The following IFNGR1 variants were observed in gnomAD, a reference collection of about 807,000 sequenced individuals.
The protein encoded by IFNGR1 is AVP, type 2.
A neutral mutation model predicts 35.4 loss-of-function variants in IFNGR1; 23 were observed. The observed-to-expected ratio is 0.65, with a 90% CI of 0.47 to 0.92. IFNGR1 has a LOEUF of 0.92. IFNGR1 is among the 40% of genes least tolerant of loss of function. The probability of loss-of-function intolerance (pLI) is 0.00; values close to 1 mark genes in which losing one functional copy is unlikely to be tolerated. For synonymous variants in IFNGR1, 199 were observed against 209.5 expected (o/e 0.95, Z 0.43); for missense variants, 533 against 583.4 (o/e 0.91, Z 0.89).
chr6:137,202,396 G>A lies in IFNGR1; in HGVS notation c.733+1103C>T, dbSNP rs17181737. Among the ~76,000 whole-genome samples the A allele has an allele frequency of 3.9e-3, 596 of 152,228 alleles. 4 individuals carry two copies. The highest frequency in any genetic ancestry group is 0.014 in the African/African-American group (564 of 41,540). On this transcript the variant is annotated intron_variant, in intron 5 of 6. Transcript: ENST00000367739. Reference sequence around the variant, plus strand: ...GGTTTTATTTTTCAAATAGCATAACGAAAATTAGCATAAAATGCATTGCAC... The same window carrying A: ...GGTTTTATTTTTCAAATAGCATAACAAAAATTAGCATAAAATGCATTGCAC...
intron 1 of IFNGR1, among the ~76,000 whole-genome samples, chr6:137,213,781 T>C (rs1779627942): frequency 6.6e-6 from 1 of 152,192 alleles, no homozygotes; most frequent in Non-Finnish European, 1.5e-5. Context: ...ACACTGGCCA[T>C]TTCCTCTGCA....
At chr6:137,210,432 TAC>T (rs1249043592) in intron 1 of IFNGR1, among the ~76,000 whole-genome samples, 4 of 152,190 alleles carry the variant, frequency 2.6e-5, no homozygotes, top group Admixed American at 2.6e-4. Flanking sequence ...AACATGAATG[TAC>T]ACAGTTAGCG....
Position 137,203,574 on chromosome 6 carries a change from C to T in IFNGR1, c.658G>A (p.Val220Ile). ...GTTGTAACACCCCACACATGTAAGA[C>T]TCCTTCTGCTGAAACACAGTACTGA... Reference protein sequence around the residue: ...NSQYCVSAEGVLHVWGVTTEK... With the variant: ...NSQYCVSAEGILHVWGVTTEK... The change falls in exon 5 of 7, where the codon GTC (valine) becomes ATC (isoleucine). Residue 220 changes from valine to isoleucine, a missense_variant. Coordinates refer to ENST00000367739, the MANE Select transcript of IFNGR1 (RefSeq NM_000416.3). 6.2e-7 allele frequency: 1 copy of T among 1,613,660 alleles called. No individual in the cohort carries two copies. The highest frequency in any genetic ancestry group is 1.7e-5 in the Admixed American group (1 of 60,008).
intron 2 of IFNGR1, 160 bp downstream of exon 2, chr6:137,206,803 T>C (rs1441733748): frequency 1.6e-6 from 1 of 619,330 alleles, no homozygotes; most frequent in Non-Finnish European, 2.8e-6. Context: ...AGGCAAGAAA[T>C]ATTTGGCAAA....
At chr6:137,207,769 G>A (rs1010939490) in intron 1 of IFNGR1, among the ~76,000 whole-genome samples, 1 of 152,034 alleles carries the variant, frequency 6.6e-6, no homozygotes, top group African/African-American at 2.4e-5. Context: ...CCCAGTCTTG[G>A]GCATGTCTTT....
At chr6:137,199,538 A>T (rs867986280) in intron 6 of IFNGR1, among the ~76,000 whole-genome samples, 195 of 46,706 alleles carry the variant, frequency 4.2e-3, no homozygotes, top group Middle Eastern at 9.3e-3. Flanking sequence ...AATATATAAT[A>T]TATATTATAT....
At chr6:137,204,189 T>C (rs1275999601) in intron 4 of IFNGR1, 143 bp downstream of exon 4, 4 of 712,500 alleles carry the variant, frequency 5.6e-6, no homozygotes, top group South Asian at 5.1e-5. Flanking sequence ...TTTAATAGCA[T>C]TCACATATTT....
At chr6:137,209,704 C>T (rs1210000013) in intron 1 of IFNGR1, 15 of 398,194 alleles carry the variant, frequency 3.8e-5, no homozygotes, top group South Asian at 2.7e-4. Flanking sequence ...ATCAGCAGCA[C>T]GAAAACAGAC....
At position 137,199,093 on chromosome 6, in the gene IFNGR1, C is replaced by T. The variant is rs537837689; in HGVS notation, c.862-454G>A. 2.0e-3 allele frequency among the ~76,000 whole-genome samples: 302 copies of T among 151,858 alleles called. 2 individuals carry two copies. The highest frequency in any genetic ancestry group is 6.8e-3 in the African/African-American group (280 of 41,378). On this transcript the variant is annotated intron_variant, in intron 6 of 6. Coordinates refer to ENST00000367739, the MANE Select transcript of IFNGR1 (RefSeq NM_000416.3). ...GAAAAATGTGAAAAGAGAGACTGGC[C>T]TAGCCTCCCAGCCTACATCTTTCTC... is the stretch of plus-strand genomic sequence containing the variant.
At position 137,219,330 on chromosome 6, in the gene IFNGR1, T is replaced by A; in HGVS notation, c.-3A>T. On this transcript the variant is annotated 5_prime_UTR_variant, in exon 1 of 7. Coordinates refer to ENST00000367739, the MANE Select transcript of IFNGR1 (RefSeq NM_000416.3). ...GGTAGGAGAAAGAGGAGAGCCATGCTGCTACCGACGGTCGCTGGCTCCAAC... is the reference window on the plus strand; with the variant it reads ...GGTAGGAGAAAGAGGAGAGCCATGCAGCTACCGACGGTCGCTGGCTCCAAC... 1 of 1,604,444 alleles carries A rather than the reference T, an allele frequency of 6.2e-7. No individual in the cohort carries two copies. Among genetic ancestry groups the A allele is most frequent in the East Asian group, 2.2e-5 (1 of 44,494 alleles).
chr6:137,206,281 G>T lies in IFNGR1; in HGVS notation c.228C>A (p.Ala76=). The T allele has an allele frequency of 6.2e-7, 1 of 1,601,856 alleles. No individual in the cohort carries two copies. The highest frequency in any genetic ancestry group is 8.6e-7 in the Non-Finnish European group (1 of 1,168,862). The part of the protein sequence containing the change: ...YGVKNSEWID[A]CINISHHYCN... ...AATAATGATGAGAAATATTGATGCA[G>T]GCATCAATCCATTCTGAATTCTTAA... Residue 76 remains alanine, a synonymous_variant, in exon 3 of 7, where the codon GCC becomes GCA. Transcript: ENST00000367739.
In IFNGR1 at chr6:137,198,150, C is replaced by T. The variant is rs769361833; in HGVS notation, c.1351G>A (p.Ala451Thr). Reference sequence around the variant, plus strand: ...TTATCATAACCAAAGGAGGTGGGGGCTTTTATTACGGTTATGAGCTCTTGT... The same window carrying T: ...TTATCATAACCAAAGGAGGTGGGGGTTTTTATTACGGTTATGAGCTCTTGT... ...EGQELITVIK[A>T]PTSFGYDKPH... The change falls in exon 7 of 7, where the codon GCC becomes ACC. Residue 451 changes from alanine (A) to threonine (T), a missense_variant. Physicochemically the swap from Ala to Thr is moderately conservative, Grantham distance 58. Coordinates refer to ENST00000367739, the MANE Select transcript of IFNGR1 (RefSeq NM_000416.3). 6 of 1,614,104 alleles carry T rather than the reference C, an allele frequency of 3.7e-6. No individual in the cohort carries two copies. Among genetic ancestry groups the T allele is most frequent in the South Asian group, 3.3e-5 (3 of 91,076 alleles).
rs752403103 is a variant in IFNGR1, at chr6:137,203,514, T to G, written c.718A>C (p.Asn240His). The G allele has an allele frequency of 6.3e-7, 1 of 1,596,232 alleles. No homozygotes were observed. Among genetic ancestry groups the G allele is most frequent in the African/African-American group, 1.3e-5 (1 of 74,582 alleles). ...KSKEVCITIF[N>H]SSIKGSLWIP... The stretch of plus-strand genomic sequence containing the variant: ...AAGAACTTACCTTTTATACTGCTAT[T>G]GAAAATGGTAATACAAACTTCTTTT... Residue 240 changes from asparagine (N) to histidine (H), a missense_variant, in exon 5 of 7, where the codon AAT becomes CAT. Asn to His is a moderately conservative substitution (Grantham distance 68, BLOSUM62 1). Transcript: ENST00000367739.
intron 3 of IFNGR1, among the ~76,000 whole-genome samples, chr6:137,205,135 A>T (rs1008134163): frequency 1.3e-5 from 2 of 152,206 alleles, no homozygotes; most frequent in Non-Finnish European, 2.9e-5. Context: ...TATGGAAAAA[A>T]ATCTAACATG....
chr6:137,218,261 C>A (rs925816789), intron 1 of IFNGR1, among the ~76,000 whole-genome samples: 1 of 151,508 alleles, frequency 6.6e-6, no homozygotes, highest in Admixed American at 6.6e-5. Flanking sequence ...TTTCAAAGTC[C>A]CTATGAATCA....
rs1156556880 is a variant in IFNGR1 at position 137,218,028 on chromosome 6, C to T, written c.85+1215G>A. ...TCTGTGCCTAAGTGCAAGCTCTTAC[C>T]GCAAAGTACTGCAACTGCCCATGTG... On this transcript the variant is annotated intron_variant, in intron 1 of 6. Coordinates refer to ENST00000367739, the MANE Select transcript of IFNGR1 (RefSeq NM_000416.3). Among the ~76,000 whole-genome samples, 8 of 152,158 alleles carry T rather than the reference C, an allele frequency of 5.3e-5. No individual in the cohort carries two copies. The East Asian group carries it at 1.5e-3, about 29-fold the overall frequency.
At chr6:137,202,524 C>T (rs998719409) in intron 5 of IFNGR1, among the ~76,000 whole-genome samples, 5 of 151,156 alleles carry the variant, frequency 3.3e-5, no homozygotes, top group Non-Finnish European at 1.5e-5. Flanking sequence ...TTCCATTCCT[C>T]GAAAATATAC....
At chr6:137,205,921 C>G (rs1273667208) in intron 3 of IFNGR1, among the ~76,000 whole-genome samples, 1 of 152,152 alleles carries the variant, frequency 6.6e-6, no homozygotes, top group Non-Finnish European at 1.5e-5. Context: ...TGAGTATTTC[C>G]TTTGAGTGCC....
chr6:137,206,069 A>C, intron 3 of IFNGR1, 67 bp downstream of exon 3: 1 of 1,307,012 alleles, frequency 7.7e-7, no homozygotes, highest in Non-Finnish European at 1.1e-6. Flanking sequence ...TAATAAAAGC[A>C]AACATACAGA....
Sources: gnomAD v4.1 joint callset for allele counts (sites outside exome capture counted in the v4.1 genomes callset) on GRCh38, gnomAD v4.1.1 for gene constraint, MANE v1.5 for transcripts, NCBI Gene and HGNC (gene_info 2026-07-23, HGNC 2026-07-21) for gene names.